Variants in ZNF429 observed in about 807,000 individuals in gnomAD.
ZNF429 encodes zinc finger protein 429.
A neutral mutation model predicts 56.8 loss-of-function variants in ZNF429; 53 were observed. That is an observed-to-expected ratio of 0.93 (90% CI 0.75 to 1.17). The LOEUF (loss-of-function observed/expected upper bound fraction) is 1.17, where lower values mean the gene tolerates loss of function less well. ZNF429 is among the 50% of genes most tolerant of loss of function. The pLI, the probability that ZNF429 is intolerant of heterozygous loss-of-function variation, is 0.00. For synonymous variants in ZNF429, 278 were observed against 264.7 expected (o/e 1.05, Z -0.49); for missense variants, 849 against 788.4 (o/e 1.08, Z -0.92).
chr19:21,522,094 A>T (rs1294624024), intron 1 of ZNF429, among the ~76,000 whole-genome samples: 1 of 152,230 alleles, frequency 6.6e-6, no homozygotes, highest in Non-Finnish European at 1.5e-5. Context: ...TAGAGGAGCC[A>T]TTGCTTTAAA....
chr19:21,523,776 G>A (rs1179186547), intron 1 of ZNF429, among the ~76,000 whole-genome samples: 1 of 152,170 alleles, frequency 6.6e-6, no homozygotes. Flanking sequence ...GCCTACTTCT[G>A]TTCATGTTGC....
In ZNF429 at chr19:21,536,273, A is replaced by G; in HGVS notation, c.227-7A>G. The stretch of plus-strand genomic sequence containing the variant: ...TGAAGTAATTTGTTGTTTTAATTTT[A>G]TTTTAGTTGTGTGTTCTCATTTTGC... On this transcript the variant is annotated splice_polypyrimidine_tract_variant and splice_region_variant and intron_variant, in intron 3 of 3. Transcript: ENST00000358491. The G allele has an allele frequency of 7.9e-5, 123 of 1,549,320 alleles. No homozygotes were observed. The highest frequency in any genetic ancestry group is 9.7e-5 in the Non-Finnish European group (112 of 1,153,148).
chr19:21,536,205 T>G, intron 3 of ZNF429, 75 bp from the exon 4 acceptor site: 12 of 1,425,860 alleles, frequency 8.4e-6, no homozygotes, highest in Non-Finnish European at 5.6e-6. Context: ...TTTATAACTT[T>G]AGAGGTTTTG....
intron 3 of ZNF429, among the ~76,000 whole-genome samples, chr19:21,533,509 C>A: frequency 6.6e-6 from 1 of 150,972 alleles, no homozygotes; most frequent in Non-Finnish European, 1.5e-5. Flanking sequence ...TAAGAAAATG[C>A]GGCCAAGTCC....
intron 1 of ZNF429, among the ~76,000 whole-genome samples, chr19:21,513,157 C>T (rs563886777): frequency 6.6e-4 from 100 of 152,306 alleles, no homozygotes; most frequent in Non-Finnish European, 1.2e-3. Context: ...AGGCATGAGC[C>T]ACTGCACCCG....
intron 3 of ZNF429, among the ~76,000 whole-genome samples, chr19:21,535,554 G>T: frequency 1.4e-5 from 2 of 145,116 alleles, no homozygotes; most frequent in South Asian, 2.2e-4. Flanking sequence ...TTGCTCTGTT[G>T]CCCAGGCTGG....
At chr19:21,530,984 CA>C in intron 3 of ZNF429, among the ~76,000 whole-genome samples, 1 of 151,484 alleles carries the variant, frequency 6.6e-6, no homozygotes, top group Non-Finnish European at 1.5e-5. Flanking sequence ...CACATGCCTG[CA>C]ATCCCAGCTT....
intron 1 of ZNF429, among the ~76,000 whole-genome samples, chr19:21,511,478 G>A (rs1287406923): frequency 6.6e-6 from 1 of 151,892 alleles, no homozygotes; most frequent in Non-Finnish European, 1.5e-5. Flanking sequence ...CTCAGACGAT[G>A]GGTGGCCAGG....
chr19:21,531,111 A>AAAAAAACAAAAC, intron 3 of ZNF429, among the ~76,000 whole-genome samples: 14 of 96,802 alleles, frequency 1.4e-4, no homozygotes, highest in African/African-American at 7.5e-4. Flanking sequence ...CATCTCAAAA[A>AAAAAAACAAAAC]AAAAAAAAAA....
chr19:21,537,779 C>T lies in ZNF429; in HGVS notation c.1726C>T (p.His576Tyr). The part of the protein sequence containing the change: ...KCKQCDKAFT[H>Y]SSNLSSHKKI... Reference sequence around the variant, plus strand: ...TAAACAATGTGACAAAGCTTTTACCCACTCCTCAAACCTTAGTAGTCATAA... The same window carrying T: ...TAAACAATGTGACAAAGCTTTTACCTACTCCTCAAACCTTAGTAGTCATAA... Residue 576 changes from histidine (H) to tyrosine (Y), a missense_variant, in exon 4 of 4, where the codon CAC becomes TAC. By Grantham distance (83) the His-to-Tyr change is moderately conservative (BLOSUM62 2). Transcript: ENST00000358491. 6.2e-7 allele frequency: 1 copy of T among 1,613,236 alleles called. No individual in the cohort carries two copies. Among genetic ancestry groups the T allele is most frequent in the Non-Finnish European group, 8.5e-7 (1 of 1,179,926 alleles).
At chr19:21,521,177 A>G (rs2032973756) in intron 1 of ZNF429, among the ~76,000 whole-genome samples, 1 of 152,230 alleles carries the variant, frequency 6.6e-6, no homozygotes, top group Non-Finnish European at 1.5e-5. Flanking sequence ...ATTATATGTG[A>G]GCATGGTTTC....
At chr19:21,509,517 C>T (rs2032351924) in intron 1 of ZNF429, among the ~76,000 whole-genome samples, 1 of 152,164 alleles carries the variant, frequency 6.6e-6, no homozygotes, top group Admixed American at 6.5e-5. Context: ...TGACTCCAAG[C>T]TAAGGCTAAT....
chr19:21,535,332 T>TCTTTCTTTCTTTCTTTCTTTCTTTCTTTC, intron 3 of ZNF429, among the ~76,000 whole-genome samples: 2 of 93,582 alleles, frequency 2.1e-5, no homozygotes, highest in African/African-American at 8.3e-5. Context: ...TCTTTCTCTT[T>TCTTTCTTTCTTTCTTTCTTTCTTTCTTTC]TCTTTTCTTT....
chr19:21,520,368 C>T (rs543928212), intron 1 of ZNF429, among the ~76,000 whole-genome samples: 25 of 152,260 alleles, frequency 1.6e-4, no homozygotes, highest in African/African-American at 5.3e-4. Flanking sequence ...AGGCTTTATT[C>T]TCCTACCTGA....
At chr19:21,533,123 TA>T in intron 3 of ZNF429, among the ~76,000 whole-genome samples, 6 of 150,308 alleles carry the variant, frequency 4.0e-5, no homozygotes, top group Non-Finnish European at 8.9e-5. Context: ...TTGGTGTTTT[TA>T]AAAAAATTTA....
chr19:21,517,050 C>G (rs369882019), intron 1 of ZNF429, among the ~76,000 whole-genome samples: 11 of 152,192 alleles, frequency 7.2e-5, no homozygotes, highest in South Asian at 2.1e-4. Flanking sequence ...TTCCAGCTTG[C>G]GTCCATTCAG....
intron 1 of ZNF429, among the ~76,000 whole-genome samples, chr19:21,509,448 C>T (rs1280159201): frequency 6.6e-6 from 1 of 152,132 alleles, no homozygotes; most frequent in Non-Finnish European, 1.5e-5. Flanking sequence ...ATTTTTCGAA[C>T]ACTTAGTTTC....
At chr19:21,535,407 T>TC in intron 3 of ZNF429, among the ~76,000 whole-genome samples, 5 of 11,498 alleles carry the variant, frequency 4.3e-4, no homozygotes, top group African/African-American at 1.4e-3. Flanking sequence ...CTTTCTTTCT[T>TC]TTTCTTTTCT....
chr19:21,530,445 AG>A, intron 2 of ZNF429, 143 bp from the exon 3 acceptor site: 3 of 490,420 alleles, frequency 6.1e-6, no homozygotes, highest in Non-Finnish European at 1.0e-5. Context: ...TATTTTCTAA[AG>A]ATTTAGAAAT....
Sources: gnomAD v4.1 joint callset for allele counts (sites outside exome capture counted in the v4.1 genomes callset) on GRCh38, gnomAD v4.1.1 for gene constraint, MANE v1.5 for transcripts, NCBI Gene and HGNC (gene_info 2026-07-23, HGNC 2026-07-21) for gene names.